Variants in STON2 observed in about 807,000 individuals in gnomAD.
The protein encoded by STON2 is stonin 2, also known as stonin-2.
In STON2, 29 loss-of-function variants were observed where a neutral mutation model predicts 65.7. That is an observed-to-expected ratio of 0.44 (90% CI 0.33 to 0.60). The LOEUF is 0.60. Among genes scored for constraint, STON2 ranks in the 20% least tolerant of loss-of-function variants. The pLI is 0.03. For missense variants in STON2, 1,054 were observed against 1,118.1 expected, an observed-to-expected ratio of 0.94 and a Z score of 0.82; for synonymous variants, 404 against 414.2, an observed-to-expected ratio of 0.98 and a Z score of 0.30.
chr14:81,362,685 C>G (rs529987115), intron 4 of STON2, among the ~76,000 whole-genome samples: 3 of 152,094 alleles, frequency 2.0e-5, no homozygotes, highest in East Asian at 3.9e-4. Flanking sequence ...GTGATAGATA[C>G]GTTAATTGAT....
rs56117739 is a variant in STON2, at chr14:81,303,059, G to GGTGTGTGT, written c.742+20950_742+20957dup. Among the ~76,000 whole-genome samples, 218 of 97,048 alleles carry GGTGTGTGT rather than the reference G, an allele frequency of 2.2e-3. 1 individual carries two copies. Among genetic ancestry groups the GGTGTGTGT allele is most frequent in the African/African-American group, 5.6e-3 (209 of 37,446 alleles). 63.7% of individuals were successfully genotyped at this position (97,048 alleles called of 152,430 possible). On this transcript the variant is annotated intron_variant, in intron 5 of 7. Transcript: ENST00000614646. The stretch of plus-strand genomic sequence containing the variant: ...TCAGTGAGGGTGTACATGTGTGGGG[G>GGTGTGTGT]GTGTGTGTGTGTGTGTGTGTGTGTG...
At chr14:81,333,904 C>G (rs992104046) in intron 4 of STON2, among the ~76,000 whole-genome samples, 24 of 152,164 alleles carry the variant, frequency 1.6e-4, no homozygotes, top group African/African-American at 5.5e-4. Context: ...CTAATGAAAA[C>G]ATTTACATTT....
chr14:81,390,968 A>T (rs1323301489), intron 3 of STON2, among the ~76,000 whole-genome samples: 1 of 152,136 alleles, frequency 6.6e-6, no homozygotes, highest in Admixed American at 6.6e-5. Flanking sequence ...AGCATTTTCA[A>T]ATTTCTTTCT....
chr14:81,390,628 T>A (rs1174676446), intron 3 of STON2, among the ~76,000 whole-genome samples: 1 of 152,184 alleles, frequency 6.6e-6, no homozygotes, highest in Non-Finnish European at 1.5e-5. Context: ...TCATTACAGA[T>A]TTACAGATGC....
intron 7 of STON2, 89 bp from the exon 8 acceptor site, chr14:81,268,586 T>G (rs1298930951): frequency 7.9e-7 from 1 of 1,267,376 alleles, no homozygotes; most frequent in East Asian, 5.6e-5. Context: ...ATAGGTACTT[T>G]GAAATTTCTT....
chr14:81,375,619 T>C (rs930300411), intron 3 of STON2, among the ~76,000 whole-genome samples: 4 of 152,070 alleles, frequency 2.6e-5, no homozygotes, highest in Admixed American at 6.6e-5. Context: ...CTCTCAGTTA[T>C]TGATATATCA....
chr14:81,282,210 T>C (rs1233077671), intron 5 of STON2, among the ~76,000 whole-genome samples: 2 of 152,208 alleles, frequency 1.3e-5, no homozygotes, highest in African/African-American at 2.4e-5. Context: ...GTTACATCAG[T>C]GGTCATACCC....
intron 7 of STON2, chr14:81,269,820 C>T (rs1894500196): frequency 6.1e-6 from 6 of 985,436 alleles, no homozygotes; most frequent in Non-Finnish European, 7.2e-6. Flanking sequence ...GTATCACTTT[C>T]TATTTATGTC....
At position 81,262,026 on chromosome 14, in the gene STON2, T is replaced by C; in HGVS notation, c.*6388A>G. 2 of 1,369,112 alleles carry C rather than the reference T, an allele frequency of 1.5e-6. No homozygotes were observed. Among genetic ancestry groups the C allele is most frequent in the African/African-American group, 2.9e-5 (2 of 68,298 alleles). The allele number at this position is 1,369,112 out of a possible 1,614,324, so 84.8% of individuals were successfully genotyped here. A position where few individuals can be genotyped will look rare whatever the true frequency, so the allele number is the denominator to read the frequency against. On this transcript the variant is annotated 3_prime_UTR_variant, in exon 8 of 8. Transcript: ENST00000614646. ...TTTTCCAATCTTCAAAATTTAAATT[T>C]CTTGGTTCTTATAAACATAGGAAGA... is the stretch of plus-strand genomic sequence containing the variant.
In STON2 at chr14:81,264,126, A is replaced by G. The variant is rs1166244223; in HGVS notation, c.*4288T>C. ...GGATCTGTTTGACTTGCAGGAACAAAGCAATCAATCACCGTGACTATGGAC... is the reference window on the plus strand; with the variant it reads ...GGATCTGTTTGACTTGCAGGAACAAGGCAATCAATCACCGTGACTATGGAC... On this transcript the variant is annotated 3_prime_UTR_variant, in exon 8 of 8. Transcript: ENST00000614646. The G allele has an allele frequency of 2.0e-6, 2 of 985,352 alleles. No individual in the cohort carries two copies. The highest frequency in any genetic ancestry group is 2.4e-6 in the Non-Finnish European group (2 of 829,944). 61.0% of individuals were successfully genotyped at this position (985,352 alleles called of 1,614,324 possible). A position where few individuals can be genotyped will look rare whatever the true frequency, so the allele number is the denominator to read the frequency against.
intron 7 of STON2, chr14:81,270,085 C>G: frequency 1.0e-6 from 1 of 973,048 alleles, no homozygotes; most frequent in Non-Finnish European, 1.2e-6. Flanking sequence ...TCCTTTACCC[C>G]ATTACTCTTT....
intron 3 of STON2, among the ~76,000 whole-genome samples, chr14:81,376,438 C>G (rs1160013650): frequency 6.6e-6 from 1 of 151,964 alleles, no homozygotes; most frequent in South Asian, 2.1e-4. Context: ...GGTTAAAAAC[C>G]TGACTTGTCC....
Position 81,278,155 on chromosome 14 carries a change from T to A in STON2, c.1327A>T (p.Lys443Ter). 1 of 1,614,202 alleles carries A rather than the reference T, an allele frequency of 6.2e-7. No individual in the cohort carries two copies. The highest frequency in any genetic ancestry group is 2.2e-5 in the East Asian group (1 of 44,878). Residue 443 changes from lysine (K) to a stop codon, truncating the protein, a stop_gained, in exon 6 of 8, where the codon AAA (lysine) becomes TAA (stop). Coordinates refer to ENST00000614646, the MANE Select transcript of STON2 (RefSeq NM_001394390.1). LOFTEE classifies it high-confidence loss of function. ...TCAGGGTCATCAATTTGGAGTTGTT[T>A]GAGTTTTTCAACAGCATCAGAGTGT... ...QSHSDAVEKL[K>*]QLQIDDPDHF...
In STON2 at chr14:81,261,085, A is replaced by C. The variant is rs1894122223; in HGVS notation, c.*7329T>G. On this transcript the variant is annotated 3_prime_UTR_variant, in exon 8 of 8. Coordinates refer to ENST00000614646, the MANE Select transcript of STON2 (RefSeq NM_001394390.1). The stretch of plus-strand genomic sequence containing the variant: ...CTTGTTAAGTAGACATAAAAGTTAA[A>C]TGAATGCTGGCTTAAGGTCAGAGGA... 6.6e-6 allele frequency: 1 copy of C among 152,212 alleles called. No homozygotes were observed. The highest frequency in any genetic ancestry group is 2.4e-5 in the African/African-American group (1 of 41,464). The allele number at this position is 152,212 out of a possible 1,614,324, so 9.4% of individuals were successfully genotyped here.
intron 6 of STON2, among the ~76,000 whole-genome samples, chr14:81,272,663 A>ATCAGT (rs1894647461): frequency 3.3e-5 from 5 of 152,236 alleles, no homozygotes; most frequent in African/African-American, 4.8e-5. Flanking sequence ...ACTGATTTTC[A>ATCAGT]GAAAAGAATT....
chr14:81,269,161 G>A (rs1448220776), intron 7 of STON2: 2 of 204,266 alleles, frequency 9.8e-6, no homozygotes, highest in East Asian at 1.8e-4. Context: ...ACGCACCACT[G>A]CGCCTGGCTA....
intron 4 of STON2, among the ~76,000 whole-genome samples, chr14:81,354,721 T>A (rs1898155797): frequency 6.6e-6 from 1 of 151,268 alleles, no homozygotes; most frequent in East Asian, 2.0e-4. Context: ...ATTACTGAAG[T>A]GAAAAATGCA....
intron 2 of STON2, chr14:81,413,070 A>G: frequency 1.9e-6 from 2 of 1,044,650 alleles, no homozygotes; most frequent in Non-Finnish European, 2.9e-6. Context: ...AAATACAACA[A>G]AGAGAGGAAC....
At chr14:81,295,053 G>A (rs931058500) in intron 5 of STON2, among the ~76,000 whole-genome samples, 1 of 152,166 alleles carries the variant, frequency 6.6e-6, no homozygotes, top group East Asian at 1.9e-4. Context: ...GGCCGGGCAC[G>A]GTGGCTCATG....
Sources: allele counts gnomAD v4.1 joint callset (sites outside exome capture counted in the v4.1 genomes callset), GRCh38; gene constraint gnomAD v4.1.1; transcripts MANE v1.5; gene names NCBI Gene and HGNC (gene_info 2026-07-23, HGNC 2026-07-21).